HABP2: variants seen among roughly 807,000 people sequenced by gnomAD.
HABP2 encodes hyaluronan binding protein 2.
A neutral mutation model predicts 66.5 loss-of-function variants in HABP2; 65 were observed. That is an observed-to-expected ratio of 0.98 (90% CI 0.80 to 1.20). HABP2 has a LOEUF of 1.20. Ranked by LOEUF, HABP2 falls within the 50% of genes most tolerant of loss-of-function variation. The pLI, the probability that HABP2 is intolerant of heterozygous loss-of-function variation, is 0.00. For synonymous variants in HABP2, 263 were observed against 253.9 expected (o/e 1.04, Z -0.34); for missense variants, 786 against 691.0 (o/e 1.14, Z -1.54).
intron 7 of HABP2, among the ~76,000 whole-genome samples, chr10:113,580,324 T>A (rs1845499837): frequency 6.6e-6 from 1 of 152,222 alleles, no homozygotes. Flanking sequence ...TTTCTTTTCC[T>A]ACAAATAATT....
At chr10:113,570,723 C>T (rs557654570) in intron 2 of HABP2, among the ~76,000 whole-genome samples, 1 of 152,344 alleles carries the variant, frequency 6.6e-6, no homozygotes, top group South Asian at 2.1e-4. Flanking sequence ...CTGCTTTAAG[C>T]AGACACCATT....
At chr10:113,566,942 C>G (rs1845208567) in intron 1 of HABP2, among the ~76,000 whole-genome samples, 2 of 152,258 alleles carry the variant, frequency 1.3e-5, no homozygotes, top group East Asian at 3.9e-4. Context: ...ATTCTAAGAA[C>G]AACGAGAAGC....
intron 2 of HABP2, among the ~76,000 whole-genome samples, chr10:113,573,494 G>A (rs1306922513): frequency 6.6e-6 from 1 of 152,236 alleles, no homozygotes; most frequent in African/African-American, 2.4e-5. Context: ...AAACAGTTGA[G>A]TGCTACAGTT....
chr10:113,582,839 C>T (rs1845566018), intron 9 of HABP2, among the ~76,000 whole-genome samples: 1 of 152,180 alleles, frequency 6.6e-6, no homozygotes, highest in Non-Finnish European at 1.5e-5. Context: ...TCTTCCAGTT[C>T]ACCTTATAGT....
chr10:113,580,372 G>A (rs991300865), intron 7 of HABP2, among the ~76,000 whole-genome samples: 2 of 152,114 alleles, frequency 1.3e-5, no homozygotes, highest in African/African-American at 2.4e-5. Context: ...ACTTGGGACC[G>A]CTTTCTTGTC....
rs567028752 is a variant in HABP2, at chr10:113,584,290, G to A, written c.1372+8G>A. ...GGGGTGTTACAGAAACAGGTGAGTC[G>A]GCCATGCACTCTCCCATGACTTAGG... On this transcript the variant is annotated splice_region_variant and intron_variant, in intron 11 of 12. Transcript: ENST00000351270. The A allele has an allele frequency of 6.8e-6, 11 of 1,613,040 alleles. No individual in the cohort carries two copies. Among genetic ancestry groups the A allele is most frequent in the East Asian group, 4.5e-5 (2 of 44,870 alleles).
chr10:113,589,420 C>T lies in HABP2; in HGVS notation c.*1051C>T, dbSNP rs886046751. Reference sequence around the variant, plus strand: ...CCCTGGCCCGGGATTGATGTAGCCCCGGTAGGTTTGCCTCTGCAGAACTAA... The same window carrying T: ...CCCTGGCCCGGGATTGATGTAGCCCTGGTAGGTTTGCCTCTGCAGAACTAA... On this transcript the variant is annotated 3_prime_UTR_variant, in exon 13 of 13. Transcript: ENST00000351270. 21 of 587,306 alleles carry T rather than the reference C, an allele frequency of 3.6e-5. No homozygotes were observed. Among genetic ancestry groups the T allele is most frequent in the African/African-American group, 1.7e-4 (9 of 53,722 alleles). The allele number at this position is 587,306 out of a possible 1,614,324, so 36.4% of individuals were successfully genotyped here.
chr10:113,580,842 C>A (rs978919509), intron 8 of HABP2, 150 bp downstream of exon 8: 1 of 588,506 alleles, frequency 1.7e-6, no homozygotes, highest in Non-Finnish European at 3.0e-6. Flanking sequence ...AACTGCCCAA[C>A]TGTCTGCACC....
chr10:113,588,068 A>G, intron 12 of HABP2, 137 bp from the exon 13 acceptor site: 1 of 597,920 alleles, frequency 1.7e-6, no homozygotes, highest in Admixed American at 3.0e-5. Context: ...GAGCCTTGTC[A>G]CTGCTTTCCA....
chr10:113,583,260 TG>T lies in HABP2; in HGVS notation c.1140del (p.Lys381ArgfsTer37). On this transcript the variant is annotated frameshift_variant, in exon 10 of 13. Transcript: ENST00000351270. LOFTEE classifies it high-confidence loss of function. Reference protein sequence around the residue: ...HLKVVLGDQDLKKEEFHEQSF... With the variant: ...HLKVVLGDQDXKKEEFHEQSF... ...AAGGTGGTGCTAGGGGACCAGGACC[TG>T]AAGAAAGAAGAATTTCATGAGCAGA... The T allele has an allele frequency of 6.2e-7, 1 of 1,613,142 alleles. No homozygotes were observed. Among genetic ancestry groups the T allele is most frequent in the Non-Finnish European group, 8.5e-7 (1 of 1,179,108 alleles).
intron 2 of HABP2, among the ~76,000 whole-genome samples, chr10:113,573,531 G>A (rs762854776): frequency 3.4e-4 from 52 of 152,146 alleles, no homozygotes; most frequent in Non-Finnish European, 1.5e-4. Flanking sequence ...GGGGTTGTAC[G>A]GAGACAAACT....
At chr10:113,554,378 T>C (rs1844954010) in intron 1 of HABP2, among the ~76,000 whole-genome samples, 1 of 152,240 alleles carries the variant, frequency 6.6e-6, no homozygotes, top group African/African-American at 2.4e-5. Flanking sequence ...ATGAAGCAGA[T>C]TAAGTTACAG....
chr10:113,586,476 G>GTT (rs58122719), intron 12 of HABP2, among the ~76,000 whole-genome samples: 1 of 86,656 alleles, frequency 1.2e-5, no homozygotes, highest in Non-Finnish European at 2.7e-5. Flanking sequence ...GTGTGTGTGT[G>GTT]GGGGGGGGGG....
chr10:113,562,440 G>GC (rs1845116325), intron 1 of HABP2, among the ~76,000 whole-genome samples: 1 of 116,754 alleles, frequency 8.6e-6, no homozygotes, highest in African/African-American at 3.4e-5. Context: ...GATTGGATAA[G>GC]CTTTTTTTTT....
intron 9 of HABP2, 56 bp downstream of exon 9, chr10:113,582,187 C>G (rs1286873985): frequency 6.6e-7 from 1 of 1,526,538 alleles, no homozygotes; most frequent in East Asian, 2.3e-5. Context: ...GGGTGCTCTC[C>G]CCTTCCCCTC....
In HABP2 at chr10:113,581,936, C is replaced by G. The variant is rs141394312; in HGVS notation, c.899C>G (p.Ser300Cys). 6.2e-7 allele frequency: 1 copy of G among 1,614,066 alleles called. No homozygotes were observed. The highest frequency in any genetic ancestry group is 1.3e-5 in the African/African-American group (1 of 75,038). ...EPSTKLPGFDSCGKTEIAERK... is the reference protein window; with the variant it reads ...EPSTKLPGFDCCGKTEIAERK... ...TCAACCAAGCTTCCGGGGTTTGACTCCTGTGGAAAGACTGAGATAGCAGAG... is the reference window on the plus strand; with the variant it reads ...TCAACCAAGCTTCCGGGGTTTGACTGCTGTGGAAAGACTGAGATAGCAGAG... The change falls in exon 9 of 13, where the codon TCC (serine) becomes TGC (cysteine). Residue 300 changes from serine to cysteine, a missense_variant. Transcript: ENST00000351270.
intron 1 of HABP2, among the ~76,000 whole-genome samples, chr10:113,556,804 CTTTTTTTTTT>C (rs66685949): frequency 1.1e-3 from 116 of 105,122 alleles, no homozygotes; most frequent in African/African-American, 3.8e-3. Context: ...TTCTTTTATT[CTTTTTTTTTT>C]TTTTTTTTTT....
rs1475991705 is a variant in HABP2, at chr10:113,583,377, G to A, written c.1237+19G>A. On this transcript the variant is annotated intron_variant, in intron 10 of 12. Coordinates refer to ENST00000351270, the MANE Select transcript of HABP2 (RefSeq NM_004132.5). ...GATATTGGCAAGTTCCTCTTTCATG[G>A]CTTTCCTGAGGGTCTTGTCCTGGGT... 16 of 1,609,130 alleles carry A rather than the reference G, an allele frequency of 9.9e-6. No homozygotes were observed. The highest frequency in any genetic ancestry group is 2.2e-5 in the South Asian group (2 of 90,886).
At chr10:113,584,696 G>A (rs1158590101) in intron 11 of HABP2, among the ~76,000 whole-genome samples, 2 of 152,178 alleles carry the variant, frequency 1.3e-5, no homozygotes, top group African/African-American at 4.8e-5. Context: ...GGGTTTGCAA[G>A]CATGATCACA....
Sources: allele counts gnomAD v4.1 joint callset (sites outside exome capture counted in the v4.1 genomes callset), GRCh38; gene constraint gnomAD v4.1.1; transcripts MANE v1.5; gene names NCBI Gene and HGNC (gene_info 2026-07-23, HGNC 2026-07-21).